The following SSBP3 variants were observed in gnomAD, a reference collection of about 807,000 sequenced individuals.
SSBP3 encodes single stranded DNA binding protein 3.
In SSBP3, 5 loss-of-function variants were observed where a neutral mutation model predicts 69.6. The observed-to-expected ratio is 0.07, with a 90% CI of 0.04 to 0.15. The LOEUF (loss-of-function observed/expected upper bound fraction) is 0.15, where lower values mean the gene tolerates loss of function less well. Ranked by LOEUF, SSBP3 falls within the 10% of genes least tolerant of loss-of-function variation. The pLI is 1.00. For missense variants in SSBP3, 312 were observed against 534.0 expected (o/e 0.58, Z 4.10); for synonymous variants, 196 against 193.4 (o/e 1.01, Z -0.11).
intron 5 of SSBP3, among the ~76,000 whole-genome samples, chr1:54,271,658 A>G (rs1375247494): frequency 2.0e-5 from 3 of 152,216 alleles, no homozygotes; most frequent in Non-Finnish European, 2.9e-5. Flanking sequence ...TGCTGCATAC[A>G]GACCTGGCAC....
intron 7 of SSBP3, among the ~76,000 whole-genome samples, chr1:54,254,079 G>C (rs956327000): frequency 1.2e-4 from 19 of 152,228 alleles, no homozygotes; most frequent in Non-Finnish European, 2.4e-4. Context: ...CAAACTAAGA[G>C]GGCTGAAGCC....
chr1:54,289,031 A>AC lies in SSBP3; in HGVS notation c.277-7505_277-7504insG, dbSNP rs962915199. ...CTAGACTCTGTCTCCAAAAAAAAAA[A>AC]AAAAACAAAAAAACAAAAAAAAAAA... On this transcript the variant is annotated intron_variant, in intron 4 of 17. Coordinates refer to ENST00000610401, the Ensembl canonical transcript of SSBP3. Among the ~76,000 whole-genome samples the AC allele has an allele frequency of 3.0e-4, 26 of 86,764 alleles. 1 individual carries two copies. The highest frequency in any genetic ancestry group is 9.9e-4 in the South Asian group (3 of 3,040). The allele number at this position is 86,764 out of a possible 152,430, so 56.9% of individuals were successfully genotyped here.
chr1:54,244,116 T>C (rs1280055405), intron 9 of SSBP3, among the ~76,000 whole-genome samples: 1 of 152,022 alleles, frequency 6.6e-6, no homozygotes, highest in Non-Finnish European at 1.5e-5. Context: ...ATTTTTTTTT[T>C]TTTGGAGATG....
At chr1:54,333,906 T>C (rs1248033050) in intron 4 of SSBP3, among the ~76,000 whole-genome samples, 1 of 151,220 alleles carries the variant, frequency 6.6e-6, no homozygotes, top group Non-Finnish European at 1.5e-5. Flanking sequence ...CTATATAAAG[T>C]ATTTTAAAAC....
At chr1:54,392,757 T>A (rs575706793) in intron 4 of SSBP3, among the ~76,000 whole-genome samples, 1 of 152,084 alleles carries the variant, frequency 6.6e-6, no homozygotes, top group Admixed American at 6.5e-5. Flanking sequence ...GCCCCAGGAA[T>A]GGGGTGGCAG....
At chr1:54,260,596 C>T (rs1490829854) in intron 5 of SSBP3, among the ~76,000 whole-genome samples, 3 of 152,210 alleles carry the variant, frequency 2.0e-5, no homozygotes, top group African/African-American at 7.2e-5. Context: ...TCAGAAGCGC[C>T]CCTGGGGGAC....
intron 4 of SSBP3, among the ~76,000 whole-genome samples, chr1:54,364,647 G>A (rs577277813): frequency 3.3e-5 from 5 of 152,186 alleles, no homozygotes; most frequent in Admixed American, 1.3e-4. Context: ...GAGCACATGG[G>A]ATGGTCTAAG....
intron 17 of SSBP3, among the ~76,000 whole-genome samples, chr1:54,227,721 G>A (rs568617492): frequency 1.3e-5 from 2 of 152,280 alleles, no homozygotes; most frequent in African/African-American, 4.8e-5. Flanking sequence ...GGGACTATAG[G>A]CATGCGACAC....
At position 54,276,414 on chromosome 1, in the gene SSBP3, C is replaced by T. The variant is rs557490622; in HGVS notation, c.366+5024G>A. Among the ~76,000 whole-genome samples, 4 of 151,772 alleles carry T rather than the reference C, an allele frequency of 2.6e-5. No individual in the cohort carries two copies. In the East Asian group the frequency reaches 5.8e-4, roughly 22 times the overall value. On this transcript the variant is annotated intron_variant, in intron 5 of 17. Transcript: ENST00000610401. ...TCACTTGAGGTCAGGAATTCGAGAC[C>T]GGCCTGGCCAGCATGGTGAAACCCC...
At chr1:54,257,347 G>A in intron 6 of SSBP3, 161 bp from the exon 7 acceptor site, 1 of 577,304 alleles carries the variant, frequency 1.7e-6, no homozygotes, top group South Asian at 2.5e-5. Context: ...CTTCCTTTGG[G>A]CAGAGGGAAC....
intron 4 of SSBP3, among the ~76,000 whole-genome samples, chr1:54,282,712 G>C (rs993178866): frequency 1.3e-5 from 2 of 152,206 alleles, no homozygotes; most frequent in African/African-American, 2.4e-5. Flanking sequence ...ACCTGGAACC[G>C]GGCCCTGCTC....
At chr1:54,320,879 T>C (rs1366578251) in intron 4 of SSBP3, among the ~76,000 whole-genome samples, 1 of 152,116 alleles carries the variant, frequency 6.6e-6, no homozygotes, top group Non-Finnish European at 1.5e-5. Context: ...ACCAATGAAT[T>C]TGTGGAATGA....
At chr1:54,354,079 G>T (rs1389863235) in intron 4 of SSBP3, among the ~76,000 whole-genome samples, 1 of 152,186 alleles carries the variant, frequency 6.6e-6, no homozygotes, top group Non-Finnish European at 1.5e-5. Context: ...GCACCAGGAT[G>T]CCCAACAAAA....
intron 5 of SSBP3, among the ~76,000 whole-genome samples, chr1:54,278,423 G>A (rs1405302247): frequency 6.6e-6 from 1 of 152,070 alleles, no homozygotes; most frequent in East Asian, 1.9e-4. Context: ...CATGCCACGG[G>A]ACCAGACAGG....
intron 4 of SSBP3, among the ~76,000 whole-genome samples, chr1:54,324,351 C>A (rs1053344485): frequency 2.0e-5 from 3 of 152,216 alleles, no homozygotes; most frequent in Non-Finnish European, 2.9e-5. Flanking sequence ...ACAGCCCCAG[C>A]ATGAGGCTCG....
chr1:54,274,949 T>C (rs1227980909), intron 5 of SSBP3, among the ~76,000 whole-genome samples: 3 of 151,576 alleles, frequency 2.0e-5, no homozygotes, highest in African/African-American at 4.8e-5. Context: ...TCACTGCCAA[T>C]TGCCTCCTCC....
At chr1:54,327,261 G>C (rs1646325598) in intron 4 of SSBP3, among the ~76,000 whole-genome samples, 1 of 134,960 alleles carries the variant, frequency 7.4e-6, no homozygotes, top group African/African-American at 2.5e-5. Context: ...AGGAAGGAAG[G>C]AAGGAAGGAA....
intron 4 of SSBP3, among the ~76,000 whole-genome samples, chr1:54,355,285 T>C (rs1028411707): frequency 1.3e-5 from 2 of 152,208 alleles, no homozygotes; most frequent in Non-Finnish European, 2.9e-5. Context: ...AATATCTATC[T>C]GGAGATAAAT....
chr1:54,380,219 C>T (rs1647511319), intron 4 of SSBP3, among the ~76,000 whole-genome samples: 1 of 152,190 alleles, frequency 6.6e-6, no homozygotes, highest in Admixed American at 6.5e-5. Context: ...GCCACTGTTC[C>T]AGGGGGATTG....
Sources: gnomAD v4.1 joint callset for allele counts (sites outside exome capture counted in the v4.1 genomes callset) on GRCh38, gnomAD v4.1.1 for gene constraint, MANE v1.5 for transcripts, NCBI Gene and HGNC (gene_info 2026-07-23, HGNC 2026-07-21) for gene names.